ZC3H3: variants seen among roughly 807,000 people sequenced by gnomAD.
ZC3H3 encodes zinc finger CCCH domain-containing protein 3.
In ZC3H3, 36 loss-of-function variants were observed where a neutral mutation model predicts 77.3. The observed-to-expected ratio is 0.47, with a 90% CI of 0.36 to 0.61. The LOEUF (loss-of-function observed/expected upper bound fraction) is 0.61. Ranked by LOEUF, ZC3H3 falls within the 20% of genes least tolerant of loss-of-function variation. The pLI is 0.00. For missense variants in ZC3H3, 1,331 were observed against 1,312.2 expected (o/e 1.01, Z -0.22); for synonymous variants, 626 against 555.2 (o/e 1.13, Z -1.79).
At chr8:143,441,604 C>T (rs764512695) in intron 9 of ZC3H3, among the ~76,000 whole-genome samples, 16 of 152,152 alleles carry the variant, frequency 1.1e-4, no homozygotes, top group Non-Finnish European at 2.2e-4. Context: ...GCTGGGCACG[C>T]GATCCCTAGC....
At chr8:143,504,723 C>A (rs963273368) in intron 4 of ZC3H3, among the ~76,000 whole-genome samples, 1 of 152,198 alleles carries the variant, frequency 6.6e-6, no homozygotes, top group East Asian at 1.9e-4. Flanking sequence ...TCAGCCTGGC[C>A]TTCACACACA....
chr8:143,465,589 C>A (rs1466484702), intron 9 of ZC3H3, 128 bp downstream of exon 9: 9 of 1,404,482 alleles, frequency 6.4e-6, no homozygotes, highest in Middle Eastern at 3.7e-4. Context: ...GTGAGGTGGA[C>A]GTGATGGCAC....
intron 5 of ZC3H3, among the ~76,000 whole-genome samples, chr8:143,473,531 C>T (rs1364033605): frequency 6.6e-6 from 1 of 152,200 alleles, no homozygotes; most frequent in Non-Finnish European, 1.5e-5. Context: ...GTGCCCTTCC[C>T]TGGGCAGAGG....
At chr8:143,535,707 ACAGGGGCTCT>A (rs1822773361) in intron 3 of ZC3H3, among the ~76,000 whole-genome samples, 1 of 152,258 alleles carries the variant, frequency 6.6e-6, no homozygotes, top group Admixed American at 6.5e-5. Flanking sequence ...CCAGGCCACC[ACAGGGGCTCT>A]CAGGGGCTCA....
At chr8:143,478,700 G>A (rs1048298704) in intron 4 of ZC3H3, among the ~76,000 whole-genome samples, 2 of 152,184 alleles carry the variant, frequency 1.3e-5, no homozygotes, top group African/African-American at 2.4e-5. Context: ...GGTAGAGATG[G>A]TGTTTCACCC....
chr8:143,524,737 T>G (rs1822357110), intron 3 of ZC3H3, among the ~76,000 whole-genome samples: 1 of 152,254 alleles, frequency 6.6e-6, no homozygotes, highest in South Asian at 2.1e-4. Context: ...CGTGTGGCCC[T>G]GGCCTTCAGC....
chr8:143,502,117 C>G (rs988602910), intron 4 of ZC3H3, among the ~76,000 whole-genome samples: 1 of 152,238 alleles, frequency 6.6e-6, no homozygotes, highest in African/African-American at 2.4e-5. Context: ...GTCTGTAAAC[C>G]CGGAAGAAGG....
chr8:143,491,221 C>T (rs1044235063), intron 4 of ZC3H3, among the ~76,000 whole-genome samples: 8 of 152,170 alleles, frequency 5.3e-5, no homozygotes, highest in African/African-American at 9.7e-5. Context: ...CAGGAACCCC[C>T]GGGGGGCCCT....
chr8:143,519,072 G>A (rs1315957885), intron 3 of ZC3H3, among the ~76,000 whole-genome samples: 8 of 152,228 alleles, frequency 5.3e-5, no homozygotes, highest in African/African-American at 1.2e-4. Flanking sequence ...AGGGTGCAGC[G>A]AGCACTACGC....
chr8:143,512,518 G>A (rs1821901944), intron 3 of ZC3H3, among the ~76,000 whole-genome samples: 1 of 152,376 alleles, frequency 6.6e-6, no homozygotes, highest in East Asian at 1.9e-4. Context: ...CACGAGGCAG[G>A]AGGGGCCGGG....
At chr8:143,510,047 G>A (rs1821824151) in intron 3 of ZC3H3, among the ~76,000 whole-genome samples, 3 of 152,198 alleles carry the variant, frequency 2.0e-5, no homozygotes, top group Non-Finnish European at 4.4e-5. Context: ...AGGGCCTGGC[G>A]GGCGGCGGCA....
chr8:143,475,886 C>A (rs1395022644), intron 4 of ZC3H3, among the ~76,000 whole-genome samples: 2 of 152,190 alleles, frequency 1.3e-5, no homozygotes, highest in Non-Finnish European at 2.9e-5. Flanking sequence ...AACTCATGCG[C>A]CCCTAGAAGC....
intron 4 of ZC3H3, among the ~76,000 whole-genome samples, chr8:143,492,206 C>G (rs1027095294): frequency 1.6e-4 from 25 of 152,296 alleles, no homozygotes; most frequent in African/African-American, 5.8e-4. Flanking sequence ...GGCAAAGCCT[C>G]GGGGGGAGGA....
intron 3 of ZC3H3, among the ~76,000 whole-genome samples, chr8:143,513,933 C>T (rs902201939): frequency 2.0e-5 from 3 of 152,184 alleles, no homozygotes; most frequent in African/African-American, 7.2e-5. Context: ...GCTTGGCCCC[C>T]GACCAGTGTA....
At chr8:143,499,272 G>A (rs2130394343) in intron 4 of ZC3H3, among the ~76,000 whole-genome samples, 1 of 152,244 alleles carries the variant, frequency 6.6e-6, no homozygotes, top group East Asian at 1.9e-4. Flanking sequence ...AGAGGGATGA[G>A]GGGGCCTGGA....
chr8:143,454,059 TAAAC>T (rs1820052756), intron 9 of ZC3H3, among the ~76,000 whole-genome samples: 1 of 148,878 alleles, frequency 6.7e-6, no homozygotes, highest in Non-Finnish European at 1.5e-5. Flanking sequence ...ATTCCAGAAA[TAAAC>T]AATTCATAAC....
rs1820301219 is a variant in ZC3H3, at chr8:143,462,830, C to T, written c.2307+2887G>A. Reference sequence around the variant, plus strand: ...GCACACGATGCTCCCCAGCCCTGTGCACTGGGGGCGCTGGCAGCAGCCAAC... The same window carrying T: ...GCACACGATGCTCCCCAGCCCTGTGTACTGGGGGCGCTGGCAGCAGCCAAC... On this transcript the variant is annotated intron_variant, in intron 9 of 11. Transcript: ENST00000262577. This position sits in a 1 kb window ranked among gnomAD's most constrained non-coding sequence, Gnocchi z 4.7. Among the ~76,000 whole-genome samples, 1 of 152,216 alleles carries T rather than the reference C, an allele frequency of 6.6e-6. No individual in the cohort carries two copies. Among genetic ancestry groups the T allele is most frequent in the African/African-American group, 2.4e-5 (1 of 41,454 alleles).
intron 4 of ZC3H3, among the ~76,000 whole-genome samples, chr8:143,485,494 T>A (rs997353226): frequency 6.6e-6 from 1 of 152,102 alleles, no homozygotes; most frequent in Non-Finnish European, 1.5e-5. Flanking sequence ...TGTGTCTCCA[T>A]GGGGAGACAA....
chr8:143,537,988 G>A lies in ZC3H3; in HGVS notation c.1364+15C>T, dbSNP rs200999845. ...CAGCCCCTCACACTCTACCGCAGCC[G>A]GCCGGGATGCCCACCTTGTGCTGCT... On this transcript the variant is annotated intron_variant, in intron 2 of 11. Transcript: ENST00000262577. The A allele has an allele frequency of 4.9e-5, 77 of 1,583,784 alleles. No individual in the cohort carries two copies. In the African/African-American group the frequency reaches 8.7e-4, roughly 18 times the overall value.
Sources: allele counts gnomAD v4.1 joint callset (sites outside exome capture counted in the v4.1 genomes callset), GRCh38; gene constraint gnomAD v4.1.1; non-coding constraint Gnocchi (gnomAD v3.1); transcripts MANE v1.5; gene names NCBI Gene and HGNC (gene_info 2026-07-23, HGNC 2026-07-21).